The following TTC3 variants were observed in gnomAD, a reference collection of about 807,000 sequenced individuals.
TTC3 encodes E3 ubiquitin-protein ligase TTC3.
Under a neutral mutation model 249.6 loss-of-function variants are expected in TTC3, and 180 were observed. The observed-to-expected ratio is 0.72, with a 90% confidence interval of 0.64 to 0.82. The LOEUF (loss-of-function observed/expected upper bound fraction) is 0.82, where lower values mean the gene tolerates loss of function less well. Ranked by LOEUF, TTC3 falls within the 40% of genes least tolerant of loss-of-function variation. TTC3 has a pLI of 0.00. For synonymous variants in TTC3, 717 were observed against 805.0 expected, an observed-to-expected ratio of 0.89 and a Z score of 1.85; for missense variants, 2,061 against 2,398.4, an observed-to-expected ratio of 0.86 and a Z score of 2.94.
chr21:37,089,439 T>C (rs1043678139), intron 5 of TTC3, among the ~76,000 whole-genome samples: 2 of 152,294 alleles, frequency 1.3e-5, no homozygotes, highest in East Asian at 1.9e-4. Flanking sequence ...CTGATGTTTA[T>C]TTTCTGCAGT....
chr21:37,158,639 G>A (rs1282994248), intron 28 of TTC3, among the ~76,000 whole-genome samples: 1 of 152,040 alleles, frequency 6.6e-6, no homozygotes, highest in African/African-American at 2.4e-5. Flanking sequence ...ATTTCTGTGA[G>A]ACAGCCAAAT....
intron 10 of TTC3, chr21:37,101,346 A>G (rs2074476453): frequency 7.7e-6 from 1 of 130,574 alleles, no homozygotes; most frequent in Non-Finnish European, 1.6e-5. Flanking sequence ...GAATTTCACA[A>G]ATTCTTGTGT....
chr21:37,126,041 GTT>G (rs201506911), intron 14 of TTC3, 37 bp from the exon 15 acceptor site: 1,579 of 1,245,710 alleles, frequency 1.3e-3, no homozygotes, highest in South Asian at 2.4e-3. Context: ...TGGCTGGGTT[GTT>G]TTTTTTTTTT....
chr21:37,095,876 T>C (rs575776648), intron 9 of TTC3, among the ~76,000 whole-genome samples: 6 of 152,386 alleles, frequency 3.9e-5, no homozygotes, highest in African/African-American at 1.4e-4. Flanking sequence ...ACATGCTCTC[T>C]ACCTTGTCTT....
chr21:37,140,411 A>G lies in TTC3; in HGVS notation c.1660-150A>G, dbSNP rs551452111. 44 of 520,334 alleles carry G rather than the reference A, an allele frequency of 8.5e-5. No homozygotes were observed. In the South Asian group the frequency reaches 1.2e-3, roughly 15 times the overall value. 32.2% of individuals were successfully genotyped at this position (520,334 alleles called of 1,614,324 possible). A position where few individuals can be genotyped will look rare whatever the true frequency, so the allele number is the denominator to read the frequency against. ...TCAGAAATTTATATAATTCCTAAGA[A>G]AGTGAAACACAGAGGTATAATTTTG... On this transcript the variant is annotated intron_variant, in intron 19 of 45. Transcript: ENST00000355666.
At chr21:37,108,521 T>C in intron 11 of TTC3, 75 bp downstream of exon 11, 3 of 1,390,998 alleles carry the variant, frequency 2.2e-6, no homozygotes, top group Non-Finnish European at 3.0e-6. Flanking sequence ...ATAGGGTGTG[T>C]TTGTTCATAA....
chr21:37,166,510 C>G lies in TTC3; in HGVS notation c.4296C>G (p.Asn1432Lys), dbSNP rs540416022. Reference sequence around the variant, plus strand: ...CTCATACAGTCCTGAGTGAGTCTAACAGAAATGATGAGCACTGTGGAAATT... The same window carrying G: ...CTCATACAGTCCTGAGTGAGTCTAAGAGAAATGATGAGCACTGTGGAAATT... Residue 1432 changes from asparagine to lysine, a missense_variant, in exon 33 of 46, where the codon AAC becomes AAG. Asn to Lys is a moderately conservative substitution (Grantham distance 94). Around this residue, in one of 3 missense-constraint regions of TTC3, gnomAD observed 1,040 missense variants for 1,186.1 expected, o/e 0.88. Transcript: ENST00000355666. 9.4e-5 allele frequency: 152 copies of G among 1,614,146 alleles called. No homozygotes were observed. In the Admixed American group the frequency reaches 1.5e-3, roughly 16 times the overall value.
chr21:37,129,008 C>T (rs1227046593), exon 16 of TTC3: 2 of 1,590,260 alleles, frequency 1.3e-6, no homozygotes, highest in African/African-American at 2.7e-5. Flanking sequence ...CACAGGTCAG[C>T]CTCCAAAACA....
At position 37,147,731 on chromosome 21, in the gene TTC3, A is replaced by ATTTTT. The variant is rs372841981; in HGVS notation, c.2016+140_2016+144dup. 3.0e-4 allele frequency: 256 copies of ATTTTT among 847,662 alleles called. 1 individual carries two copies. In the African/African-American group the frequency reaches 3.9e-3, roughly 13 times the overall value. The allele number at this position is 847,662 out of a possible 1,614,324, so 52.5% of individuals were successfully genotyped here. A position where few individuals can be genotyped will look rare whatever the true frequency, so the allele number is the denominator to read the frequency against. On this transcript the variant is annotated intron_variant, in intron 22 of 45. Transcript: ENST00000355666. The stretch of plus-strand genomic sequence containing the variant: ...AGCAGTCGTCCACCCCTTTCCCAGG[A>ATTTTT]TTTTTTTTTTTTTTTTGAGATAAGT...
intron 11 of TTC3, among the ~76,000 whole-genome samples, chr21:37,110,915 A>G (rs1006986981): frequency 3.9e-5 from 6 of 152,214 alleles, no homozygotes; most frequent in African/African-American, 1.4e-4. Flanking sequence ...ATTCTTAAAG[A>G]AAAGAATTTT....
intron 1 of TTC3, among the ~76,000 whole-genome samples, chr21:37,073,834 CCTGT>C (rs1348914505): frequency 6.6e-6 from 1 of 152,204 alleles, no homozygotes; most frequent in Non-Finnish European, 1.5e-5. Flanking sequence ...TGTTACTGCC[CCTGT>C]CTGTGGGCTG....
At chr21:37,126,014 A>G in intron 14 of TTC3, 66 bp from the exon 15 acceptor site, 3 of 1,441,590 alleles carry the variant, frequency 2.1e-6, no homozygotes, top group South Asian at 1.2e-5. Context: ...TCTTTTATAT[A>G]GCTATTGAAT....
Position 37,152,932 on chromosome 21 carries a change from C to T in TTC3, c.2414-19C>T. ...AATTAGTCCTATTTATCACTTTAACCATTGTTATTTATCCTTAGAAACTGT... is the reference window on the plus strand; with the variant it reads ...AATTAGTCCTATTTATCACTTTAACTATTGTTATTTATCCTTAGAAACTGT... On this transcript the variant is annotated intron_variant, in intron 26 of 45. Transcript: ENST00000355666. 9 of 1,531,960 alleles carry T rather than the reference C, an allele frequency of 5.9e-6. No individual in the cohort carries two copies. The highest frequency in any genetic ancestry group is 2.7e-5 in the South Asian group (2 of 74,514). 94.9% of individuals were successfully genotyped at this position (1,531,960 alleles called of 1,614,324 possible). A position where few individuals can be genotyped will look rare whatever the true frequency, so the allele number is the denominator to read the frequency against.
Position 37,153,001 on chromosome 21 carries a change from C to T in TTC3, c.2464C>T (p.Gln822Ter). 1 of 1,612,210 alleles carries T rather than the reference C, an allele frequency of 6.2e-7. No individual in the cohort carries two copies. Among genetic ancestry groups the T allele is most frequent in the Non-Finnish European group, 8.5e-7 (1 of 1,179,268 alleles). The change falls in exon 27 of 46, where the codon CAG becomes TAG. Residue 822 changes from glutamine to a stop codon, truncating the protein, a stop_gained. Transcript: ENST00000355666. LOFTEE classifies it high-confidence loss of function. ...TCAGTTCCTTGATGACAGAATTCTACAGTGTATAAAGCAGTATGCTGACAA... is the reference window on the plus strand; with the variant it reads ...TCAGTTCCTTGATGACAGAATTCTATAGTGTATAAAGCAGTATGCTGACAA...
In TTC3 at chr21:37,173,590, G is replaced by C. The variant is rs915135168; in HGVS notation, c.4617+846G>C. 3.3e-5 allele frequency among the ~76,000 whole-genome samples: 5 copies of C among 152,210 alleles called. No individual in the cohort carries two copies. The South Asian group carries it at 1.0e-3, about 32-fold the overall frequency. ...TGTTTAGAAAGGTAACAAAAGAATA[G>C]TAATTCATTTAAGAAAGGAGGAATT... On this transcript the variant is annotated intron_variant, in intron 35 of 45. Transcript: ENST00000355666.
At chr21:37,135,139 T>C (rs368093475) in intron 17 of TTC3, among the ~76,000 whole-genome samples, 5 of 152,220 alleles carry the variant, frequency 3.3e-5, no homozygotes, top group African/African-American at 1.2e-4. Context: ...TAGTGTAAAA[T>C]GAGCCACCTT....
exon 42 of TTC3, chr21:37,196,023 C>A (rs200446731): frequency 6.2e-7 from 1 of 1,614,024 alleles, no homozygotes; most frequent in Non-Finnish European, 8.5e-7. Flanking sequence ...AGTGGTATTC[C>A]CATGTTACAA....
At chr21:37,146,279 A>G (rs372631130) in intron 21 of TTC3, among the ~76,000 whole-genome samples, 3 of 152,186 alleles carry the variant, frequency 2.0e-5, no homozygotes, top group East Asian at 1.9e-4. Flanking sequence ...CTGTAATCCT[A>G]CCACTTTGGG....
chr21:37,183,702 G>A (rs774840942), intron 36 of TTC3, among the ~76,000 whole-genome samples: 1 of 152,094 alleles, frequency 6.6e-6, no homozygotes, highest in East Asian at 1.9e-4. Context: ...TAGCCTCTCT[G>A]TGATTTTTAT....
Sources: gnomAD v4.1 joint callset for allele counts (sites outside exome capture counted in the v4.1 genomes callset) on GRCh38, gnomAD v4.1.1 for gene constraint, gnomAD v4.1.1 regional missense constraint, MANE v1.5 for transcripts, NCBI Gene and HGNC (gene_info 2026-07-23, HGNC 2026-07-21) for gene names.